Variants in PITPNM3 observed in about 807,000 individuals in gnomAD.
PITPNM3 encodes PITPNM family member 3.
A neutral mutation model predicts 102.0 loss-of-function variants in PITPNM3; 26 were observed. The observed-to-expected ratio is 0.25, with a 90% CI of 0.19 to 0.35. The LOEUF is 0.35. Among genes scored for constraint, PITPNM3 ranks in the 10% least tolerant of loss-of-function variants. PITPNM3 has a pLI of 1.00. For missense variants in PITPNM3, 1,083 were observed against 1,346.1 expected, an observed-to-expected ratio of 0.80 and a Z score of 3.06; for synonymous variants, 578 against 558.6, an observed-to-expected ratio of 1.03 and a Z score of -0.49.
intron 2 of PITPNM3, among the ~76,000 whole-genome samples, chr17:6,530,670 G>T (rs1909095238): frequency 6.6e-6 from 1 of 152,198 alleles, no homozygotes; most frequent in African/African-American, 2.4e-5. Flanking sequence ...GACGTGCCCT[G>T]AGAGTAAATC....
Position 6,470,117 on chromosome 17 carries a change from G to A in PITPNM3, c.1773+143C>T. The A allele has an allele frequency of 1.0e-6, 1 of 953,680 alleles. No individual in the cohort carries two copies. Among genetic ancestry groups the A allele is most frequent in the Non-Finnish European group, 1.6e-6 (1 of 622,766 alleles). The allele number at this position is 953,680 out of a possible 1,614,324, so 59.1% of individuals were successfully genotyped here. ...GTCATGTCACTCCCCACTCACGTAG[G>A]TGCTCCAATGCCTTCCTCATGCTCT... is the stretch of plus-strand genomic sequence containing the variant. On this transcript the variant is annotated intron_variant, in intron 13 of 19. Transcript: ENST00000262483. The surrounding 1 kb of genome is among the most constrained non-coding windows in gnomAD (Gnocchi z 4.8).
At chr17:6,461,300 G>A in intron 18 of PITPNM3, 73 bp downstream of exon 18, 1 of 1,529,344 alleles carries the variant, frequency 6.5e-7, no homozygotes, top group Non-Finnish European at 9.0e-7. Context: ...CCGGGAGGAG[G>A]GAGATGGGGA....
chr17:6,513,803 G>A (rs1482243284), intron 3 of PITPNM3, among the ~76,000 whole-genome samples: 1 of 152,198 alleles, frequency 6.6e-6, no homozygotes, highest in Non-Finnish European at 1.5e-5. Context: ...ATATGGAAGT[G>A]CAAGAAGCAC....
chr17:6,493,520 G>A (rs752832730), intron 4 of PITPNM3, among the ~76,000 whole-genome samples: 1 of 152,238 alleles, frequency 6.6e-6, no homozygotes, highest in Non-Finnish European at 1.5e-5. Context: ...GTGCTGACCT[G>A]CAAGCAGGCT....
At chr17:6,496,236 G>GCATCAC (rs1906806826) in intron 4 of PITPNM3, among the ~76,000 whole-genome samples, 1 of 152,042 alleles carries the variant, frequency 6.6e-6, no homozygotes, top group African/African-American at 2.4e-5. Flanking sequence ...AACCCTGACT[G>GCATCAC]CATCACGGGC....
chr17:6,550,895 C>A (rs1158781864), intron 1 of PITPNM3, among the ~76,000 whole-genome samples: 1 of 152,234 alleles, frequency 6.6e-6, no homozygotes, highest in East Asian at 1.9e-4. Flanking sequence ...CCATCCTTGG[C>A]TCAAACAAGG....
At chr17:6,463,176 C>G (rs938707945) in intron 17 of PITPNM3, among the ~76,000 whole-genome samples, 2 of 152,194 alleles carry the variant, frequency 1.3e-5, no homozygotes, top group Non-Finnish European at 2.9e-5. Flanking sequence ...AAAACCGTCA[C>G]TGTTACTGGG....
At chr17:6,464,844 C>T in intron 14 of PITPNM3, 73 bp from the exon 15 acceptor site, 1 of 1,390,134 alleles carries the variant, frequency 7.2e-7, no homozygotes, top group South Asian at 1.2e-5. Context: ...TGCAGTGTTC[C>T]TCAGACTGGC....
rs186050389 is a variant in PITPNM3, at chr17:6,512,051, G to C, written c.227-8477C>G. Among the ~76,000 whole-genome samples, 56 of 152,292 alleles carry C rather than the reference G, an allele frequency of 3.7e-4. No homozygotes were observed. The East Asian group carries it at 9.1e-3, about 25-fold the overall frequency. On this transcript the variant is annotated intron_variant, in intron 3 of 19. Transcript: ENST00000262483. ...AAAGCTCTTGTGATCGATTGTCTGG[G>C]CTTCCATAGCAGAGGAGCCAGGTGT...
At chr17:6,487,957 C>T (rs1319576378) in intron 4 of PITPNM3, among the ~76,000 whole-genome samples, 1 of 152,178 alleles carries the variant, frequency 6.6e-6, no homozygotes, top group Non-Finnish European at 1.5e-5. Flanking sequence ...CAGAGCCTTG[C>T]TTCCTTTCCA....
At chr17:6,461,014 GC>G (rs1418416157) in intron 18 of PITPNM3, 1 of 351,110 alleles carries the variant, frequency 2.8e-6, no homozygotes, top group Non-Finnish European at 5.4e-6. Context: ...CACATCCTCT[GC>G]CCCCCTGGTT....
At chr17:6,471,028 C>T in intron 12 of PITPNM3, 133 bp downstream of exon 12, 1 of 1,038,280 alleles carries the variant, frequency 9.6e-7, no homozygotes, top group Non-Finnish European at 1.4e-6. Flanking sequence ...CAGAAGCAAG[C>T]CCCCAGGACT....
chr17:6,502,395 G>A (rs562583824), intron 4 of PITPNM3, among the ~76,000 whole-genome samples: 13 of 152,326 alleles, frequency 8.5e-5, no homozygotes, highest in African/African-American at 3.1e-4. Context: ...TCAAGAGGTT[G>A]TAGTGAGCCG....
chr17:6,457,500 AAATGAATGAATG>A lies in PITPNM3; in HGVS notation c.2619+82_2619+93del. On this transcript the variant is annotated intron_variant, in intron 19 of 19. Coordinates refer to ENST00000262483, the MANE Select transcript of PITPNM3 (RefSeq NM_031220.4). This position sits in a 1 kb window ranked among gnomAD's most constrained non-coding sequence, Gnocchi z 4.7. ...TGAATGAGCAAATGGGGGAATGAAC[AAATGAATGAATG>A]AATGAATGAAGTGCTTACTCCCTCT... The A allele has an allele frequency of 1.3e-6, 2 of 1,568,626 alleles. No individual in the cohort carries two copies. The highest frequency in any genetic ancestry group is 1.7e-6 in the Non-Finnish European group (2 of 1,148,624).
At chr17:6,536,327 C>G (rs1033768294) in intron 2 of PITPNM3, among the ~76,000 whole-genome samples, 10 of 152,302 alleles carry the variant, frequency 6.6e-5, no homozygotes, top group East Asian at 5.8e-4. Context: ...ATGCCTCTGT[C>G]GTCAGCTGGG....
intron 1 of PITPNM3, among the ~76,000 whole-genome samples, chr17:6,540,921 A>G (rs1473606501): frequency 6.6e-6 from 1 of 152,158 alleles, no homozygotes; most frequent in Non-Finnish European, 1.5e-5. Context: ...AGCTTCCCAA[A>G]GTGCTGGGAT....
chr17:6,470,283 C>T lies in PITPNM3; in HGVS notation c.1750G>A (p.Val584Met), dbSNP rs375915718. Residue 584 changes from valine (V) to methionine (M), a missense_variant, in exon 13 of 20, where the codon GTG (valine) becomes ATG (methionine). By Grantham distance (21) the Val-to-Met change is conservative (BLOSUM62 1). Transcript: ENST00000262483. This position sits in a 1 kb window ranked among gnomAD's most constrained non-coding sequence, Gnocchi z 4.8. ...ACCTGTCTCAGGATGAAGGCCACCACGTCTGTGGACTCCCAGTAACTGGCG... is the reference window on the plus strand; with the variant it reads ...ACCTGTCTCAGGATGAAGGCCACCATGTCTGTGGACTCCCAGTAACTGGCG... ...FHASYWESTD[V>M]VAFILRQVMR... 34 of 1,611,554 alleles carry T rather than the reference C, an allele frequency of 2.1e-5. No homozygotes were observed. The highest frequency in any genetic ancestry group is 9.9e-5 in the South Asian group (9 of 90,654).
rs757710925 is a variant in PITPNM3 at position 6,474,622 on chromosome 17, C to CGCAGG, written c.1086-23_1086-19dup. On this transcript the variant is annotated intron_variant, in intron 9 of 19. Coordinates refer to ENST00000262483, the MANE Select transcript of PITPNM3 (RefSeq NM_031220.4). ...AGTGGATGCTGCGGAGGGAGGAGGACGCAGGGCAGGGCAGGTCAGGGAAGG... is the reference window on the plus strand; with the variant it reads ...AGTGGATGCTGCGGAGGGAGGAGGACGCAGGGCAGGGCAGGGCAGGTCAGGGAAGG... 1.0e-4 allele frequency: 157 copies of CGCAGG among 1,552,300 alleles called. No homozygotes were observed. The highest frequency in any genetic ancestry group is 1.3e-4 in the Non-Finnish European group (145 of 1,148,888).
Position 6,470,544 on chromosome 17 carries a change from T to TCCTCCAGGCCA in PITPNM3, c.1625-137_1625-136insTGGCCTGGAGG. The TCCTCCAGGCCA allele has an allele frequency of 1.7e-6, 2 of 1,166,174 alleles. No individual in the cohort carries two copies. The highest frequency in any genetic ancestry group is 2.5e-6 in the Non-Finnish European group (2 of 796,040). The allele number at this position is 1,166,174 out of a possible 1,614,324, so 72.2% of individuals were successfully genotyped here. A position where few individuals can be genotyped will look rare whatever the true frequency, so the allele number is the denominator to read the frequency against. On this transcript the variant is annotated intron_variant, in intron 12 of 19. Coordinates refer to ENST00000262483, the MANE Select transcript of PITPNM3 (RefSeq NM_031220.4). This position sits in a 1 kb window ranked among gnomAD's most constrained non-coding sequence, Gnocchi z 4.8. The stretch of plus-strand genomic sequence containing the variant: ...GGGTTTGGGCGGGAGCACCCTGGCC[T>TCCTCCAGGCCA]GGAGGAGGCCTGGGGAACGCGCTGC...
Sources: gnomAD v4.1 joint callset for allele counts (sites outside exome capture counted in the v4.1 genomes callset) on GRCh38, gnomAD v4.1.1 for gene constraint, Gnocchi (gnomAD v3.1) non-coding constraint, MANE v1.5 for transcripts, NCBI Gene and HGNC (gene_info 2026-07-23, HGNC 2026-07-21) for gene names.